PDZD8: variants seen among roughly 807,000 people sequenced by gnomAD.
The protein encoded by PDZD8 is PDZ domain-containing protein 8.
A neutral mutation model predicts 85.8 loss-of-function variants in PDZD8; 14 were observed. That is an observed-to-expected ratio of 0.16 (90% confidence interval 0.11 to 0.26). The LOEUF is 0.26. Among genes scored for constraint, PDZD8 ranks in the 10% least tolerant of loss-of-function variants. PDZD8 has a pLI of 1.00. For missense variants in PDZD8, 1,197 were observed against 1,424.3 expected (o/e 0.84, Z 2.57); for synonymous variants, 592 against 568.6 (o/e 1.04, Z -0.59).
At chr10:117,285,709 G>T in intron 4 of PDZD8, 2 of 1,183,498 alleles carry the variant, frequency 1.7e-6, no homozygotes, top group Non-Finnish European at 1.0e-6. Flanking sequence ...CAAACCAGAT[G>T]ATGACACAGG....
chr10:117,288,621 G>C (rs1844706972), intron 4 of PDZD8, among the ~76,000 whole-genome samples: 1 of 152,066 alleles, frequency 6.6e-6, no homozygotes, highest in Non-Finnish European at 1.5e-5. Flanking sequence ...CAATTCTCCT[G>C]CCTCAGCCTC....
chr10:117,309,533 A>T (rs1349377266), intron 3 of PDZD8, among the ~76,000 whole-genome samples: 1 of 151,818 alleles, frequency 6.6e-6, no homozygotes, highest in Non-Finnish European at 1.5e-5. Flanking sequence ...CCCTCCTCAT[A>T]GCTCATCTTT....
chr10:117,342,393 T>TACACACACACACACACACAC lies in PDZD8; in HGVS notation c.873-1311_873-1292dup, dbSNP rs59113065. Among the ~76,000 whole-genome samples, 90 of 145,678 alleles carry TACACACACACACACACACAC rather than the reference T, an allele frequency of 6.2e-4. 1 individual carries two copies. Among genetic ancestry groups the TACACACACACACACACACAC allele is most frequent in the Admixed American group, 8.8e-4 (13 of 14,796 alleles). Reference sequence around the variant, plus strand: ...GCTTCTTACTGACCACACAAACAGATACACACACACACACACACACACACA... The same window carrying TACACACACACACACACACAC: ...GCTTCTTACTGACCACACAAACAGATACACACACACACACACACACACACACACACACACACACACACACA... On this transcript the variant is annotated intron_variant, in intron 1 of 4. Coordinates refer to ENST00000334464, the MANE Select transcript of PDZD8 (RefSeq NM_173791.5).
chr10:117,310,335 T>C (rs1024990138), intron 3 of PDZD8, among the ~76,000 whole-genome samples: 1 of 152,190 alleles, frequency 6.6e-6, no homozygotes, highest in Non-Finnish European at 1.5e-5. Context: ...CACAGTACTG[T>C]TGCTCTGATT....
At chr10:117,315,587 C>CAAAAAAAAAAAAA (rs35866840) in intron 3 of PDZD8, among the ~76,000 whole-genome samples, 1 of 42,108 alleles carries the variant, frequency 2.4e-5, no homozygotes, top group African/African-American at 7.9e-5. Context: ...TAGACTCTCT[C>CAAAAAAAAAAAAA]AAAAAAAAAA....
chr10:117,286,832 T>C (rs1434297875), intron 4 of PDZD8, among the ~76,000 whole-genome samples: 3 of 152,346 alleles, frequency 2.0e-5, no homozygotes, highest in Middle Eastern at 3.4e-3. Flanking sequence ...AGCCCCACTA[T>C]TGCCCTTTCC....
At chr10:117,295,500 AACAC>A (rs144031212) in intron 3 of PDZD8, among the ~76,000 whole-genome samples, 68,717 of 151,700 alleles carry the variant, frequency 0.45, 16,245 homozygotes, top group East Asian at 0.53. Context: ...CTTCCTTCCC[AACAC>A]ACAAAAAACT....
chr10:117,304,357 C>T (rs1281836696), intron 3 of PDZD8, among the ~76,000 whole-genome samples: 1 of 152,170 alleles, frequency 6.6e-6, no homozygotes, highest in Non-Finnish European at 1.5e-5. Flanking sequence ...CCTGTACCCC[C>T]ATCGTATCTA....
At position 117,368,851 on chromosome 10, in the gene PDZD8, GTTTTTTTTTTTTTTT is replaced by G. The variant is rs3034161; in HGVS notation, c.872+5490_872+5504del. Among the ~76,000 whole-genome samples the G allele has an allele frequency of 3.0e-5, 3 of 99,070 alleles. No homozygotes were observed. In the South Asian group the frequency reaches 1.0e-3, roughly 33 times the overall value. 65.0% of individuals were successfully genotyped at this position (99,070 alleles called of 152,430 possible). On this transcript the variant is annotated intron_variant, in intron 1 of 4. Coordinates refer to ENST00000334464, the MANE Select transcript of PDZD8 (RefSeq NM_173791.5). The stretch of plus-strand genomic sequence containing the variant: ...TAAAATTCAACATTATATTGACAAT[GTTTTTTTTTTTTTTT>G]TTTTTTTTTGAGACAGTCTCACTCT...
intron 4 of PDZD8, among the ~76,000 whole-genome samples, chr10:117,286,373 G>A (rs1234795728): frequency 6.6e-6 from 1 of 152,184 alleles, no homozygotes; most frequent in Non-Finnish European, 1.5e-5. Context: ...ACTTGCCCAA[G>A]CTATCCCTTT....
chr10:117,287,461 C>T (rs960169596), intron 4 of PDZD8, among the ~76,000 whole-genome samples: 3 of 152,188 alleles, frequency 2.0e-5, no homozygotes, highest in Non-Finnish European at 2.9e-5. Context: ...TTCCCAACTA[C>T]TGGACATCAC....
rs1340345588 is a variant in PDZD8 at position 117,280,703 on chromosome 10, CACT to C, written c.*2562_*2564del. ...CTCCCAGTGAAATATAAAAATATTG[CACT>C]ACATTACAGATATAGTTTACAAATG... On this transcript the variant is annotated 3_prime_UTR_variant, in exon 5 of 5. Coordinates refer to ENST00000334464, the MANE Select transcript of PDZD8 (RefSeq NM_173791.5). 6.6e-6 allele frequency: 1 copy of C among 152,180 alleles called. No individual in the cohort carries two copies. Among genetic ancestry groups the C allele is most frequent in the Non-Finnish European group, 1.5e-5 (1 of 68,032 alleles). 9.4% of individuals were successfully genotyped at this position (152,180 alleles called of 1,614,324 possible).
intron 2 of PDZD8, among the ~76,000 whole-genome samples, chr10:117,319,259 T>C (rs906874301): frequency 1.3e-5 from 2 of 152,076 alleles, no homozygotes; most frequent in African/African-American, 4.8e-5. Context: ...AATATGTACA[T>C]GTAGCAGCAA....
In PDZD8 at chr10:117,364,415, G is replaced by A. The variant is rs549972285; in HGVS notation, c.872+9941C>T. Among the ~76,000 whole-genome samples the A allele has an allele frequency of 2.4e-4, 36 of 152,056 alleles. No individual in the cohort carries two copies. The South Asian group carries it at 7.3e-3, about 31-fold the overall frequency. ...AGATACATGTTTCAGTTCACTTTGTGAAAATTCATCACTGTACATTTAGGA... is the reference window on the plus strand; with the variant it reads ...AGATACATGTTTCAGTTCACTTTGTAAAAATTCATCACTGTACATTTAGGA... On this transcript the variant is annotated intron_variant, in intron 1 of 4. Transcript: ENST00000334464.
At chr10:117,306,935 G>T (rs1459393980) in intron 3 of PDZD8, among the ~76,000 whole-genome samples, 1 of 152,048 alleles carries the variant, frequency 6.6e-6, no homozygotes, top group Non-Finnish European at 1.5e-5. Flanking sequence ...CAGTATAACT[G>T]CCAGAGTTAG....
chr10:117,315,345 A>T (rs967736801), intron 3 of PDZD8, among the ~76,000 whole-genome samples: 1 of 152,138 alleles, frequency 6.6e-6, no homozygotes, highest in East Asian at 1.9e-4. Flanking sequence ...CCACAATTCA[A>T]GCACTTTGTG....
chr10:117,292,060 T>C (rs1844777047), intron 3 of PDZD8, among the ~76,000 whole-genome samples: 1 of 152,192 alleles, frequency 6.6e-6, no homozygotes, highest in Admixed American at 6.5e-5. Flanking sequence ...TGCTTTAATA[T>C]ATAAATCCCA....
rs1844582386 is a variant in PDZD8 at position 117,281,977 on chromosome 10, G to A, written c.*1291C>T. Reference sequence around the variant, plus strand: ...CCATTAAGGTACCCCAACAACAGTCGAGCTTACTTGTTTTCCCTCAGTCAA... The same window carrying A: ...CCATTAAGGTACCCCAACAACAGTCAAGCTTACTTGTTTTCCCTCAGTCAA... On this transcript the variant is annotated 3_prime_UTR_variant, in exon 5 of 5. Transcript: ENST00000334464. 1 of 152,080 alleles carries A rather than the reference G, an allele frequency of 6.6e-6. No individual in the cohort carries two copies. Among genetic ancestry groups the A allele is most frequent in the Admixed American group, 6.6e-5 (1 of 15,266 alleles). The allele number at this position is 152,080 out of a possible 1,614,324, so 9.4% of individuals were successfully genotyped here.
chr10:117,333,681 A>C (rs1486025103), intron 2 of PDZD8, among the ~76,000 whole-genome samples: 1 of 152,204 alleles, frequency 6.6e-6, no homozygotes, highest in East Asian at 1.9e-4. Flanking sequence ...GAATTTCAAA[A>C]TTTCATAATA....
Sources: allele counts gnomAD v4.1 joint callset (sites outside exome capture counted in the v4.1 genomes callset), GRCh38; gene constraint gnomAD v4.1.1; transcripts MANE v1.5; gene names NCBI Gene and HGNC (gene_info 2026-07-23, HGNC 2026-07-21).